Variants in SEMA3C observed in about 807,000 individuals in gnomAD.
SEMA3C encodes the protein semaphorin 3C, also known as semaphorin-3C.
In SEMA3C, 47 loss-of-function variants were observed where a neutral mutation model predicts 89.4. That is an observed-to-expected ratio of 0.53 (90% confidence interval 0.42 to 0.67). The LOEUF (loss-of-function observed/expected upper bound fraction) is 0.67, where lower values mean the gene tolerates loss of function less well. SEMA3C is among the 30% of genes least tolerant of loss of function. SEMA3C has a pLI of 0.00. For synonymous variants in SEMA3C, 310 were observed against 320.2 expected (o/e 0.97, Z 0.34); for missense variants, 839 against 929.1 (o/e 0.90, Z 1.26).
chr7:80,810,100 C>A (rs1019577959), intron 6 of SEMA3C, among the ~76,000 whole-genome samples: 2 of 151,972 alleles, frequency 1.3e-5, no homozygotes, highest in African/African-American at 4.8e-5. Flanking sequence ...AACATTCTCA[C>A]CACAAAAAAA....
intron 16 of SEMA3C, 82 bp from the exon 17 acceptor site, chr7:80,749,110 T>C: frequency 7.5e-7 from 1 of 1,341,546 alleles, no homozygotes; most frequent in Non-Finnish European, 9.9e-7. Context: ...AAATGCTATA[T>C]ACATGTTTAT....
At chr7:80,912,491 A>C (rs1792176889) in intron 2 of SEMA3C, among the ~76,000 whole-genome samples, 1 of 152,180 alleles carries the variant, frequency 6.6e-6, no homozygotes, top group South Asian at 2.1e-4. Flanking sequence ...TGTTTCAGGT[A>C]ATGTCCAACT....
At chr7:80,773,638 A>T (rs1402960125) in intron 12 of SEMA3C, among the ~76,000 whole-genome samples, 1 of 152,220 alleles carries the variant, frequency 6.6e-6, no homozygotes, top group Non-Finnish European at 1.5e-5. Flanking sequence ...ACAGAGGTTC[A>T]GAGAGCTTGT....
rs567102631 is a variant in SEMA3C at position 80,814,731 on chromosome 7, G to A, written c.447+3568C>T. ...TCATGGCAACTACACAATTAAAGAGGCTGAAAATAACAAACAAGAAAAGTG... is the reference window on the plus strand; with the variant it reads ...TCATGGCAACTACACAATTAAAGAGACTGAAAATAACAAACAAGAAAAGTG... On this transcript the variant is annotated intron_variant, in intron 5 of 17. Transcript: ENST00000265361. Among the ~76,000 whole-genome samples, 235 of 152,210 alleles carry A rather than the reference G, an allele frequency of 1.5e-3. 3 individuals are homozygous for A. Among genetic ancestry groups the A allele is most frequent in the African/African-American group, 5.4e-3 (226 of 41,530 alleles).
intron 2 of SEMA3C, among the ~76,000 whole-genome samples, chr7:80,832,642 C>A (rs1031010298): frequency 2.6e-5 from 4 of 151,970 alleles, no homozygotes; most frequent in African/African-American, 7.3e-5. Context: ...ATTTCTTTTT[C>A]TGCCTCTGGA....
chr7:80,842,982 C>T (rs1364684589), intron 2 of SEMA3C, among the ~76,000 whole-genome samples: 1 of 152,020 alleles, frequency 6.6e-6, no homozygotes, highest in Non-Finnish European at 1.5e-5. Context: ...AAAATTAATT[C>T]AAGTTAGTAC....
chr7:80,919,115 C>G, upstream of SEMA3C: 2 of 984,892 alleles, frequency 2.0e-6, no homozygotes, highest in Non-Finnish European at 2.4e-6. Context: ...CGCCGCGGCG[C>G]GCGGCTCCGG....
At chr7:80,882,033 T>C (rs73709353) in intron 2 of SEMA3C, among the ~76,000 whole-genome samples, 7,413 of 152,284 alleles carry the variant, frequency 0.049, 505 homozygotes, top group African/African-American at 0.15. Context: ...ATGTTGCATA[T>C]AGAAGTATTT....
chr7:80,871,605 T>C (rs559066141), intron 2 of SEMA3C, among the ~76,000 whole-genome samples: 1 of 152,310 alleles, frequency 6.6e-6, no homozygotes, highest in African/African-American at 2.4e-5. Flanking sequence ...CCTTGAGCAG[T>C]AGGATATAAA....
At chr7:80,893,675 T>C (rs982997648) in intron 2 of SEMA3C, among the ~76,000 whole-genome samples, 26 of 152,094 alleles carry the variant, frequency 1.7e-4, no homozygotes, top group African/African-American at 5.5e-4. Context: ...TTGGAAGGCT[T>C]GGGTGGAGGG....
intron 2 of SEMA3C, among the ~76,000 whole-genome samples, chr7:80,839,713 C>G (rs887486253): frequency 1.3e-5 from 2 of 151,752 alleles, no homozygotes; most frequent in African/African-American, 2.4e-5. Flanking sequence ...AATATAAAGA[C>G]AGTCAATATT....
At chr7:80,798,012 A>C in intron 11 of SEMA3C, 80 bp downstream of exon 11, 4 of 1,447,426 alleles carry the variant, frequency 2.8e-6, no homozygotes, top group Non-Finnish European at 3.7e-6. Flanking sequence ...AAAAACCCCA[A>C]AAAACCCCAC....
chr7:80,756,498 G>T (rs554390073), intron 15 of SEMA3C, among the ~76,000 whole-genome samples: 11 of 152,228 alleles, frequency 7.2e-5, no homozygotes, highest in Admixed American at 3.9e-4. Flanking sequence ...GTTATCTTTT[G>T]AAACCAAAGC....
intron 12 of SEMA3C, among the ~76,000 whole-genome samples, chr7:80,771,217 C>T (rs765422929): frequency 1.3e-5 from 2 of 152,188 alleles, no homozygotes; most frequent in Non-Finnish European, 2.9e-5. Context: ...TCGCTGAGTA[C>T]ACTTTTGACA....
At chr7:80,912,692 C>G (rs1792180481) in intron 2 of SEMA3C, among the ~76,000 whole-genome samples, 1 of 152,164 alleles carries the variant, frequency 6.6e-6, no homozygotes, top group Non-Finnish European at 1.5e-5. Context: ...TGCCATAACA[C>G]ACACCTGAGA....
At chr7:80,789,615 T>A in intron 11 of SEMA3C, 87 bp from the exon 12 acceptor site, 1 of 914,606 alleles carries the variant, frequency 1.1e-6, no homozygotes, top group Non-Finnish European at 1.6e-6. Context: ...TTGAAATCAC[T>A]TAGAAGCTCC....
chr7:80,751,181 G>A, intron 16 of SEMA3C, 88 bp downstream of exon 16: 1 of 1,087,768 alleles, frequency 9.2e-7, no homozygotes, highest in Non-Finnish European at 1.4e-6. Flanking sequence ...TGAAACGCCT[G>A]AATCTATGAC....
At chr7:80,754,463 C>T (rs6959186) in intron 15 of SEMA3C, among the ~76,000 whole-genome samples, 86,137 of 151,886 alleles carry the variant, frequency 0.57, 24,470 homozygotes, top group South Asian at 0.68. Flanking sequence ...ATTAACACTA[C>T]TAAAGAAAAT....
chr7:80,864,553 G>A (rs1790881163), intron 2 of SEMA3C, among the ~76,000 whole-genome samples: 1 of 151,666 alleles, frequency 6.6e-6, no homozygotes, highest in African/African-American at 2.4e-5. Context: ...AGAAAAATAG[G>A]ACACAATGTA....
Sources: allele counts gnomAD v4.1 joint callset (sites outside exome capture counted in the v4.1 genomes callset), GRCh38; gene constraint gnomAD v4.1.1; transcripts MANE v1.5; gene names NCBI Gene and HGNC (gene_info 2026-07-23, HGNC 2026-07-21).